Variants in PDE6A observed in about 807,000 individuals in gnomAD.
PDE6A encodes rod cGMP-specific 3',5'-cyclic phosphodiesterase subunit alpha.
In PDE6A, 84 loss-of-function variants were observed where a neutral mutation model predicts 106.3. That is an observed-to-expected ratio of 0.79 (90% confidence interval 0.66 to 0.95). The LOEUF (loss-of-function observed/expected upper bound fraction) is 0.95, where lower values mean the gene tolerates loss of function less well. PDE6A is among the 40% of genes least tolerant of loss of function. The pLI, the probability that PDE6A is intolerant of heterozygous loss-of-function variation, is 0.00. For synonymous variants in PDE6A, 394 were observed against 386.6 expected, an observed-to-expected ratio of 1.02 and a Z score of -0.23; for missense variants, 1,052 against 1,084.9, an observed-to-expected ratio of 0.97 and a Z score of 0.43.
At chr5:149,895,018 T>C (rs1351627890) in intron 13 of PDE6A, among the ~76,000 whole-genome samples, 165 bp downstream of exon 13, 2 of 152,222 alleles carry the variant, frequency 1.3e-5, no homozygotes, top group Non-Finnish European at 2.9e-5. Flanking sequence ...TATGCATCTC[T>C]ATTCTTGGAA....
chr5:149,914,596 GTCC>G (rs1302823536), intron 6 of PDE6A, among the ~76,000 whole-genome samples: 2 of 148,750 alleles, frequency 1.3e-5, no homozygotes, highest in African/African-American at 5.0e-5. Flanking sequence ...TTCCCAAAAA[GTCC>G]TGTTCCAGTC....
chr5:149,867,547 C>G, intron 19 of PDE6A, 178 bp downstream of exon 19: 1 of 682,218 alleles, frequency 1.5e-6, no homozygotes, highest in South Asian at 1.6e-5. Flanking sequence ...ACATACCTAA[C>G]ATGTTCTCAA....
intron 13 of PDE6A, among the ~76,000 whole-genome samples, chr5:149,888,393 G>T (rs1581169939): frequency 6.7e-6 from 1 of 150,190 alleles, no homozygotes; most frequent in African/African-American, 2.4e-5. Flanking sequence ...GGTCACTAAG[G>T]GTTAAGAATT....
intron 4 of PDE6A, among the ~76,000 whole-genome samples, chr5:149,930,437 T>C (rs1025177553): frequency 6.6e-6 from 1 of 152,208 alleles, no homozygotes; most frequent in Admixed American, 6.5e-5. Flanking sequence ...CAGAAAATGA[T>C]TAGCCTCATA....
In PDE6A at chr5:149,915,396, G is replaced by A. The variant is rs150570938; in HGVS notation, c.934-389C>T. On this transcript the variant is annotated intron_variant, in intron 5 of 21. Transcript: ENST00000255266. ...TTGTCCTTTTACCATCGTATGCCCC[G>A]TAGTTTTTGTTGTTTTAATAAATTA... Among the ~76,000 whole-genome samples the A allele has an allele frequency of 5.7e-3, 861 of 152,238 alleles. 2 individuals are homozygous for A. Among genetic ancestry groups the A allele is most frequent in the Non-Finnish European group, 9.4e-3 (639 of 68,014 alleles).
chr5:149,890,296 A>G (rs1038683351), intron 13 of PDE6A, among the ~76,000 whole-genome samples: 10 of 152,252 alleles, frequency 6.6e-5, no homozygotes, highest in East Asian at 1.9e-4. Context: ...TCTTGACTGC[A>G]AATTAACTTT....
intron 19 of PDE6A, chr5:149,867,349 G>A (rs1000176362): frequency 1.1e-5 from 4 of 350,578 alleles, no homozygotes; most frequent in Admixed American, 3.9e-5. Context: ...GGAGGTGGAT[G>A]GACTTCTAGA....
intron 21 of PDE6A, among the ~76,000 whole-genome samples, chr5:149,861,972 G>A (rs941570057): frequency 6.6e-6 from 1 of 152,144 alleles, no homozygotes; most frequent in Non-Finnish European, 1.5e-5. Context: ...GACACTCCCC[G>A]GAGTTGTGCA....
At chr5:149,876,469 C>T (rs1760746209) in intron 17 of PDE6A, among the ~76,000 whole-genome samples, 1 of 151,238 alleles carries the variant, frequency 6.6e-6, no homozygotes, top group African/African-American at 2.4e-5. Context: ...AATCCTCCCA[C>T]TTCGGCCTCC....
intron 7 of PDE6A, 98 bp downstream of exon 7, chr5:149,907,213 CT>C: frequency 1.1e-6 from 1 of 941,042 alleles, no homozygotes; most frequent in Non-Finnish European, 1.8e-6. Context: ...GAGATCCACA[CT>C]TGCCATCATC....
chr5:149,883,520 G>A lies in PDE6A; in HGVS notation c.2044C>T (p.Gln682Ter). Reference sequence around the variant, plus strand: ...GTCTTAGACTGATCCACGATCTTTTGGAACATCGTCCTCTTCCTACAAAAC... The same window carrying A: ...GTCTTAGACTGATCCACGATCTTTTAGAACATCGTCCTCTTCCTACAAAAC... ...ALYFKKRTMF[Q>*]KIVDQSKTYE... Residue 682 changes from glutamine (Q) to a stop codon, truncating the protein, a stop_gained, in exon 17 of 22, where the codon CAA becomes TAA. Coordinates refer to ENST00000255266, the MANE Select transcript of PDE6A (RefSeq NM_000440.3). LOFTEE classifies it high-confidence loss of function. 6.2e-7 allele frequency: 1 copy of A among 1,612,062 alleles called. No homozygotes were observed. Among genetic ancestry groups the A allele is most frequent in the Non-Finnish European group, 8.5e-7 (1 of 1,178,242 alleles).
rs368516694 is a variant in PDE6A at position 149,931,087 on chromosome 5, G to A, written c.799C>T (p.Arg267Cys). ...RQFHKALYTV[R>C]AFLNCDRYSV... ...TATCTGTCACAGTTGAGGAAAGCAC[G>A]GACTGTGTACAGGGCTTTGTGGAAC... is the stretch of plus-strand genomic sequence containing the variant. Residue 267 changes from arginine to cysteine, a missense_variant, in exon 4 of 22, where the codon CGT (arginine) becomes TGT (cysteine). This residue lies in a region of PDE6A where 913 missense variants were observed against 915.2 expected (regional missense o/e 1.00). Transcript: ENST00000255266. 37 of 1,613,836 alleles carry A rather than the reference G, an allele frequency of 2.3e-5. No homozygotes were observed. Among genetic ancestry groups the A allele is most frequent in the Middle Eastern group, 1.6e-4 (1 of 6,062 alleles).
At chr5:149,867,343 G>A (rs1760367076) in intron 19 of PDE6A, 3 of 347,082 alleles carry the variant, frequency 8.6e-6, no homozygotes, top group Non-Finnish European at 1.7e-5. Context: ...GTCAGGGGAG[G>A]TGGATGGACT....
intron 17 of PDE6A, among the ~76,000 whole-genome samples, chr5:149,875,956 A>G (rs1223051316): frequency 2.0e-5 from 3 of 152,092 alleles, no homozygotes; most frequent in Admixed American, 6.6e-5. Flanking sequence ...GTGTGTATAT[A>G]CGTGTACATG....
chr5:149,905,835 T>C (rs1297486288), intron 7 of PDE6A, among the ~76,000 whole-genome samples: 1 of 152,196 alleles, frequency 6.6e-6, no homozygotes, highest in Non-Finnish European at 1.5e-5. Context: ...CCCAGGAAGC[T>C]GCTAGAGTTA....
rs575932241 is a variant in PDE6A, at chr5:149,863,790, A to AT, written c.2359-525dup. Among the ~76,000 whole-genome samples the AT allele has an allele frequency of 3.2e-4, 48 of 151,744 alleles. No individual in the cohort carries two copies. The highest frequency in any genetic ancestry group is 1.1e-3 in the African/African-American group (46 of 41,382). On this transcript the variant is annotated intron_variant, in intron 20 of 21. Coordinates refer to ENST00000255266, the MANE Select transcript of PDE6A (RefSeq NM_000440.3). The surrounding 1 kb of genome is among the most constrained non-coding windows in gnomAD (Gnocchi z 4.7). ...AGGCTCATGCCACCACACCCAGGTAATTTTTTTTATTTTTGTAGATACAGG... is the reference window on the plus strand; with the variant it reads ...AGGCTCATGCCACCACACCCAGGTAATTTTTTTTTATTTTTGTAGATACAGG...
At position 149,944,585 on chromosome 5, in the gene PDE6A, G is replaced by C. The variant is rs1360943014; in HGVS notation, c.89C>G (p.Ala30Gly). The change falls in exon 1 of 22, where the codon GCC becomes GGC. Residue 30 changes from alanine to glycine, a missense_variant. Around this residue, in one of 3 missense-constraint regions of PDE6A, gnomAD observed 913 missense variants for 915.2 expected, o/e 1.00. Coordinates refer to ENST00000255266, the MANE Select transcript of PDE6A (RefSeq NM_000440.3). ...AKQYYNLHYR[A>G]KLISDLLGAK... ...CCCAAGGAGGTCGGAGATGAGCTTGGCCCGGTAGTGGAGGTTGTAGTACTG... is the reference window on the plus strand; with the variant it reads ...CCCAAGGAGGTCGGAGATGAGCTTGCCCCGGTAGTGGAGGTTGTAGTACTG... The C allele has an allele frequency of 3.7e-6, 6 of 1,614,062 alleles. No individual in the cohort carries two copies. The highest frequency in any genetic ancestry group is 5.1e-6 in the Non-Finnish European group (6 of 1,180,014).
At chr5:149,909,534 A>G (rs1753307803) in intron 6 of PDE6A, among the ~76,000 whole-genome samples, 1 of 152,098 alleles carries the variant, frequency 6.6e-6, no homozygotes, top group South Asian at 2.1e-4. Context: ...CCTTCATTCC[A>G]CACACACCTT....
chr5:149,932,820 C>A (rs1248121664), intron 3 of PDE6A, among the ~76,000 whole-genome samples: 4 of 152,252 alleles, frequency 2.6e-5, no homozygotes, highest in East Asian at 3.9e-4. Flanking sequence ...ACTTTTGTCC[C>A]CCTCCGCCCA....
Sources: allele counts gnomAD v4.1 joint callset (sites outside exome capture counted in the v4.1 genomes callset), GRCh38; gene constraint gnomAD v4.1.1; regional missense constraint gnomAD v4.1.1; non-coding constraint Gnocchi (gnomAD v3.1); transcripts MANE v1.5; gene names NCBI Gene and HGNC (gene_info 2026-07-23, HGNC 2026-07-21).